RFX4: variants seen among roughly 807,000 people sequenced by gnomAD.
The protein encoded by RFX4 is regulatory factor X4.
Under a neutral mutation model 95.0 loss-of-function variants are expected in RFX4, and 10 were observed. The observed-to-expected ratio is 0.11, with a 90% confidence interval of 0.06 to 0.18. The LOEUF is 0.18. RFX4 is among the 10% of genes least tolerant of loss of function. The pLI is 1.00. For synonymous variants in RFX4, 321 were observed against 340.7 expected, an observed-to-expected ratio of 0.94 and a Z score of 0.64; for missense variants, 640 against 922.0, an observed-to-expected ratio of 0.69 and a Z score of 3.96.
chr12:106,615,903 G>A (rs2040062741), intron 2 of RFX4, among the ~76,000 whole-genome samples: 1 of 152,162 alleles, frequency 6.6e-6, no homozygotes, highest in South Asian at 2.1e-4. Flanking sequence ...CATGTCACCT[G>A]AGAATAATGA....
At chr12:106,684,584 AGAT>A in intron 5 of RFX4, 3 of 771,500 alleles carry the variant, frequency 3.9e-6, no homozygotes, top group Non-Finnish European at 5.8e-6. Flanking sequence ...TGAACATATT[AGAT>A]GATCTGGCTC....
chr12:106,713,359 G>C (rs186251527), intron 10 of RFX4, among the ~76,000 whole-genome samples: 10 of 152,268 alleles, frequency 6.6e-5, no homozygotes, highest in Non-Finnish European at 8.8e-5. Flanking sequence ...GCCCAATACT[G>C]TGCTTAGTGG....
At chr12:106,751,788 G>GT (rs970478806) in intron 17 of RFX4, among the ~76,000 whole-genome samples, 5 of 152,012 alleles carry the variant, frequency 3.3e-5, no homozygotes, top group African/African-American at 1.2e-4. Flanking sequence ...GGGGTTGTTC[G>GT]TTTTTTTCTT....
chr12:106,628,988 A>T (rs1391574365), intron 2 of RFX4, among the ~76,000 whole-genome samples: 1 of 151,994 alleles, frequency 6.6e-6, no homozygotes, highest in East Asian at 1.9e-4. Context: ...CGAATTCCTT[A>T]CCTCAAGTGA....
intron 13 of RFX4, among the ~76,000 whole-genome samples, chr12:106,727,723 C>A (rs918858120): frequency 6.6e-6 from 1 of 151,990 alleles, no homozygotes; most frequent in African/African-American, 2.4e-5. Context: ...GGGTTCAAAC[C>A]ATTCTCCTGC....
At chr12:106,634,700 AC>A in intron 2 of RFX4, among the ~76,000 whole-genome samples, 1 of 152,020 alleles carries the variant, frequency 6.6e-6, no homozygotes, top group African/African-American at 2.4e-5. Flanking sequence ...ATCTGCTCTC[AC>A]CTTCTCCACC....
At chr12:106,626,202 T>C (rs1382205330) in intron 2 of RFX4, among the ~76,000 whole-genome samples, 3 of 152,204 alleles carry the variant, frequency 2.0e-5, no homozygotes, top group Non-Finnish European at 4.4e-5. Flanking sequence ...CCAGACTCAC[T>C]GAAACATGCT....
Position 106,583,195 on chromosome 12 carries a change from A to C in RFX4, c.-126A>C. ...TCCTCCTTTATCCTTGTGCCCCCTCACTTTCTGCGTCTCTCTCTCTCCCCT... is the reference window on the plus strand; with the variant it reads ...TCCTCCTTTATCCTTGTGCCCCCTCCCTTTCTGCGTCTCTCTCTCTCCCCT... On this transcript the variant is annotated 5_prime_UTR_variant, in exon 1 of 18. Transcript: ENST00000392842. 1 of 806,964 alleles carries C rather than the reference A, an allele frequency of 1.2e-6. No homozygotes were observed. The allele number at this position is 806,964 out of a possible 1,614,324, so 50.0% of individuals were successfully genotyped here. A position where few individuals can be genotyped will look rare whatever the true frequency, so the allele number is the denominator to read the frequency against.
At chr12:106,605,449 C>G (rs2039809568) in intron 1 of RFX4, among the ~76,000 whole-genome samples, 1 of 152,194 alleles carries the variant, frequency 6.6e-6, no homozygotes, top group South Asian at 2.1e-4. Context: ...ACCTGCAGAT[C>G]CAAGGCCCGA....
At chr12:106,673,579 C>G (rs2041331713) in intron 4 of RFX4, among the ~76,000 whole-genome samples, 1 of 152,196 alleles carries the variant, frequency 6.6e-6, no homozygotes, top group African/African-American at 2.4e-5. Context: ...AGTGTTAATG[C>G]TGTCCTATAC....
At chr12:106,630,534 C>T (rs950918382) in intron 2 of RFX4, among the ~76,000 whole-genome samples, 1 of 152,164 alleles carries the variant, frequency 6.6e-6, no homozygotes, top group Non-Finnish European at 1.5e-5. Context: ...TGCTCATCAG[C>T]TGGTGCCCTT....
At chr12:106,615,128 AT>A (rs2040048148) in intron 2 of RFX4, among the ~76,000 whole-genome samples, 1 of 152,132 alleles carries the variant, frequency 6.6e-6, no homozygotes, top group African/African-American at 2.4e-5. Flanking sequence ...TTTCATTTTT[AT>A]ATCAATAGTT....
intron 7 of RFX4, chr12:106,693,077 T>C (rs892621612): frequency 2.3e-6 from 1 of 436,574 alleles, no homozygotes; most frequent in Admixed American, 2.5e-5. Flanking sequence ...TCCAGTCCAC[T>C]GGGAGATCCT....
At chr12:106,601,267 C>T (rs762374541) in intron 1 of RFX4, 32 of 1,584,804 alleles carry the variant, frequency 2.0e-5, no homozygotes, top group Admixed American at 3.5e-5. Flanking sequence ...CAGAAAGGGG[C>T]TGAGACAGAA....
intron 17 of RFX4, among the ~76,000 whole-genome samples, chr12:106,756,546 G>A (rs1444536213): frequency 2.8e-5 from 4 of 144,936 alleles, no homozygotes; most frequent in Admixed American, 2.1e-4. Flanking sequence ...ACTTTGGGTT[G>A]GTGTCTTGGG....
intron 1 of RFX4, among the ~76,000 whole-genome samples, chr12:106,604,421 C>T (rs774421553): frequency 5.3e-5 from 8 of 152,196 alleles, no homozygotes; most frequent in South Asian, 2.1e-4. Flanking sequence ...CACACCTGGC[C>T]GCTACAGCTT....
chr12:106,710,545 C>A (rs1028962672), intron 9 of RFX4, among the ~76,000 whole-genome samples: 8 of 152,112 alleles, frequency 5.3e-5, no homozygotes, highest in Admixed American at 5.2e-4. Context: ...TAGAATAATC[C>A]TAGGGAAATT....
At chr12:106,668,016 G>T (rs2041211346) in intron 4 of RFX4, among the ~76,000 whole-genome samples, 1 of 152,136 alleles carries the variant, frequency 6.6e-6, no homozygotes, top group Non-Finnish European at 1.5e-5. Context: ...AAAAATTGGG[G>T]CTGTGGGGAA....
rs556116618 is a variant in RFX4, at chr12:106,737,162, G to GTTTTT, written c.1633+4113_1633+4117dup. On this transcript the variant is annotated intron_variant, in intron 15 of 17. Transcript: ENST00000392842. ...TTTCCAGAATAGACTCGGAACTAAA[G>GTTTTT]TTTTTTTTTTTTTTTTTTTTTTTTT... Among the ~76,000 whole-genome samples, 62 of 54,926 alleles carry GTTTTT rather than the reference G, an allele frequency of 1.1e-3. 9 individuals carry two copies. Among genetic ancestry groups the GTTTTT allele is most frequent in the Non-Finnish European group, 1.6e-3 (47 of 28,652 alleles). 36.0% of individuals were successfully genotyped at this position (54,926 alleles called of 152,430 possible).
Sources: gnomAD v4.1 joint callset for allele counts (sites outside exome capture counted in the v4.1 genomes callset) on GRCh38, gnomAD v4.1.1 for gene constraint, MANE v1.5 for transcripts, NCBI Gene and HGNC (gene_info 2026-07-23, HGNC 2026-07-21) for gene names.